The following MAGEB2 variants were observed in gnomAD, a reference collection of about 807,000 sequenced individuals.
MAGEB2 encodes the protein melanoma-associated antigen B2.
For synonymous variants in MAGEB2, 107 were observed against 96.2 expected, an observed-to-expected ratio of 1.11 and a Z score of -0.66; for missense variants, 365 against 243.2, an observed-to-expected ratio of 1.50 and a Z score of -3.33.
Position 30,219,480 on chromosome X carries a change from CT to C in MAGEB2, c.901del (p.Cys301ValfsTer11), listed in dbSNP as rs773023961. On this transcript the variant is annotated frameshift_variant, in exon 2 of 2. Transcript: ENST00000378988. LOFTEE classifies it low-confidence loss of function (END_TRUNC). ...TGGCCAAGGTAAATGGTACCACCCC[CT>C]GTGCCTTCCCAACCCATTACGAAGA... ...FLAKVNGTTPCAFPTHYEEAL... is the reference protein window; with the variant it reads ...FLAKVNGTTPXAFPTHYEEAL... The C allele has an allele frequency of 7.4e-6, 9 of 1,209,175 alleles. No homozygotes were observed. The highest frequency in any genetic ancestry group is 3.5e-5 in the African/African-American group (2 of 57,131).
Position 30,218,966 on chromosome X carries a change from A to G in MAGEB2, c.386A>G (p.Lys129Arg), listed in dbSNP as rs779542719. Residue 129 changes from lysine (K) to arginine (R), a missense_variant, in exon 2 of 2, where the codon AAA becomes AGA. Transcript: ENST00000378988. ...TTCCTGTTGTACAAGTATAAAATAA[A>G]AAAGTCCGTTACAAAGGGAGAAATG... ...VQFLLYKYKIKKSVTKGEMLK... is the reference protein window; with the variant it reads ...VQFLLYKYKIRKSVTKGEMLK... 8.3e-7 allele frequency: 1 copy of G among 1,210,546 alleles called. No individual in the cohort carries two copies. The highest frequency in any genetic ancestry group is 2.2e-5 in the Admixed American group (1 of 45,991).
rs1185854596 is a variant in MAGEB2, at chrX:30,219,122, T to C, written c.542T>C (p.Ile181Thr). 2 of 1,208,839 alleles carry C rather than the reference T, an allele frequency of 1.7e-6. No homozygotes were observed. Among genetic ancestry groups the C allele is most frequent in the African/African-American group, 3.5e-5 (2 of 57,138 alleles). The change falls in exon 2 of 2, where the codon ATC becomes ACC. Residue 181 changes from isoleucine (I) to threonine (T), a missense_variant. Ile to Thr is a moderately conservative substitution (Grantham distance 89, BLOSUM62 -1). Coordinates refer to ENST00000378988, the MANE Select transcript of MAGEB2 (RefSeq NM_002364.5). Reference protein sequence around the residue: ...VNPNGHTYTFIDKVDLTDEES... With the variant: ...VNPNGHTYTFTDKVDLTDEES... ...CCCAACGGCCACACTTACACCTTCA[T>C]CGACAAGGTAGACCTCACTGATGAG... is the stretch of plus-strand genomic sequence containing the variant.
chrX:30,216,545 A>G (rs957765593), intron 1 of MAGEB2, among the ~76,000 whole-genome samples: 3 of 110,364 alleles, frequency 2.7e-5, no homozygotes, highest in African/African-American at 9.9e-5. Context: ...AGTTGTACTC[A>G]CTCTCCCCAA....
Position 30,218,792 on chromosome X carries a change from C to A in MAGEB2, c.212C>A (p.Ala71Asp), listed in dbSNP as rs776599379. 1.7e-6 allele frequency: 2 copies of A among 1,187,947 alleles called. No homozygotes were observed. The highest frequency in any genetic ancestry group is 2.3e-6 in the Non-Finnish European group (2 of 882,924). Residue 71 changes from alanine (A) to aspartate (D), a missense_variant, in exon 2 of 2, where the codon GCT (alanine) becomes GAT (aspartate). Transcript: ENST00000378988. ...CAGAGAGCCCCAACCACTGCCGCTG[C>A]TGCGGCTGCGGGTGTTTCATCCACA... The part of the protein sequence containing the change: ...EPQRAPTTAA[A>D]AAAGVSSTKS...
intron 1 of MAGEB2, 145 bp from the exon 2 acceptor site, chrX:30,218,431 G>A (rs1924457592): frequency 1.2e-6 from 1 of 824,450 alleles, no homozygotes; most frequent in South Asian, 3.1e-5. Flanking sequence ...CTAGAACAGT[G>A]CCTTCAGGGA....
At position 30,219,079 on chromosome X, in the gene MAGEB2, G is replaced by C. The variant is rs147546492; in HGVS notation, c.499G>C (p.Glu167Gln). ...SEGLSVVFGLELNKVNPNGHT... is the reference protein window; with the variant it reads ...SEGLSVVFGLQLNKVNPNGHT... ...GGGCCTCAGTGTTGTCTTTGGCCTT[G>C]AGCTGAATAAAGTCAACCCCAACGG... The change falls in exon 2 of 2, where the codon GAG becomes CAG. Residue 167 changes from glutamate to glutamine, a missense_variant. Transcript: ENST00000378988. 1.6e-4 allele frequency: 198 copies of C among 1,208,915 alleles called. No individual in the cohort carries two copies. Among genetic ancestry groups the C allele is most frequent in the Non-Finnish European group, 3.1e-5 (28 of 894,527 alleles).
intron 1 of MAGEB2, among the ~76,000 whole-genome samples, chrX:30,217,948 T>C (rs1027000645): frequency 3.6e-5 from 4 of 111,299 alleles, no homozygotes; most frequent in African/African-American, 1.3e-4. Context: ...CTAAGAGAGG[T>C]GAGATTCTTA....
chrX:30,216,758 G>A (rs987860077), intron 1 of MAGEB2, among the ~76,000 whole-genome samples: 16 of 109,236 alleles, frequency 1.5e-4, no homozygotes, highest in Non-Finnish European at 1.3e-4. Flanking sequence ...GGTGGCGGGC[G>A]CCTGTAATCC....
intron 1 of MAGEB2, among the ~76,000 whole-genome samples, chrX:30,216,550 C>T (rs1924402839): frequency 9.0e-6 from 1 of 111,372 alleles, no homozygotes; most frequent in Admixed American, 9.5e-5. Flanking sequence ...TACTCACTCT[C>T]CCCAAGACAT....
In MAGEB2 at chrX:30,218,784, T is replaced by A; in HGVS notation, c.204T>A (p.Thr68=). Residue 68 remains threonine, a synonymous_variant, in exon 2 of 2, where the codon ACT becomes ACA. Coordinates refer to ENST00000378988, the MANE Select transcript of MAGEB2 (RefSeq NM_002364.5). ...AGGAGCCTCAGAGAGCCCCAACCAC[T>A]GCCGCTGCTGCGGCTGCGGGTGTTT... ...IPQEPQRAPT[T]AAAAAAGVSS... The A allele has an allele frequency of 8.4e-7, 1 of 1,188,841 alleles. No individual in the cohort carries two copies. Among genetic ancestry groups the A allele is most frequent in the Non-Finnish European group, 1.1e-6 (1 of 883,407 alleles).
At chrX:30,217,783 A>G (rs1924441601) in intron 1 of MAGEB2, among the ~76,000 whole-genome samples, 1 of 112,349 alleles carries the variant, frequency 8.9e-6, no homozygotes, top group African/African-American at 3.2e-5. Flanking sequence ...CTCCTCTACC[A>G]GGAGTCAAAT....
intron 1 of MAGEB2, among the ~76,000 whole-genome samples, chrX:30,216,885 T>TAAAAAAAAAAAA (rs1278361862): frequency 6.7e-5 from 6 of 89,320 alleles, no homozygotes; most frequent in Admixed American, 1.2e-4. Context: ...ACTCCGTCTC[T>TAAAAAAAAAAAA]TAAAAAAAAA....
intron 1 of MAGEB2, among the ~76,000 whole-genome samples, chrX:30,216,817 G>A (rs1400769910): frequency 9.5e-6 from 1 of 105,725 alleles, no homozygotes; most frequent in African/African-American, 3.5e-5. Flanking sequence ...CCTGGGAGGC[G>A]GAGTTTGCAG....
intron 1 of MAGEB2, 24 bp from the exon 2 acceptor site, chrX:30,218,552 G>A (rs780267669): frequency 8.5e-7 from 1 of 1,180,323 alleles, no homozygotes; most frequent in Non-Finnish European, 1.1e-6. Context: ...CTATTCTTCT[G>A]CCCACATTTC....
In MAGEB2 at chrX:30,218,964, A is replaced by T. The variant is rs150250737; in HGVS notation, c.384A>T (p.Ile128=). The change falls in exon 2 of 2, where the codon ATA becomes ATT. Residue 128 remains isoleucine, a synonymous_variant. Coordinates refer to ENST00000378988, the MANE Select transcript of MAGEB2 (RefSeq NM_002364.5). ...LVQFLLYKYK[I]KKSVTKGEML... is the part of the protein sequence containing the mutation. ...AGTTCCTGTTGTACAAGTATAAAAT[A>T]AAAAAGTCCGTTACAAAGGGAGAAA... 7.9e-4 allele frequency: 956 copies of T among 1,209,083 alleles called. 1 individual carries two copies. Among genetic ancestry groups the T allele is most frequent in the Non-Finnish European group, 1.0e-3 (898 of 894,453 alleles).
chrX:30,217,096 G>A (rs1298451368), intron 1 of MAGEB2, among the ~76,000 whole-genome samples: 2 of 111,148 alleles, frequency 1.8e-5, no homozygotes, highest in Non-Finnish European at 3.8e-5. Flanking sequence ...AGGGTAACAG[G>A]GAAATGAGAG....
In MAGEB2 at chrX:30,219,400, C is replaced by T. The variant is rs148432603; in HGVS notation, c.820C>T (p.Leu274=). 240 of 1,210,127 alleles carry T rather than the reference C, an allele frequency of 2.0e-4. No individual in the cohort carries two copies. Among genetic ancestry groups the T allele is most frequent in the Non-Finnish European group, 2.6e-4 (234 of 895,075 alleles). Residue 274 remains leucine, a synonymous_variant, in exon 2 of 2, where the codon CTG becomes TTG. Coordinates refer to ENST00000378988, the MANE Select transcript of MAGEB2 (RefSeq NM_002364.5). The part of the protein sequence containing the change: ...PSSDPPRFQF[L]WGPRAYAETS... ...CAGTGATCCCCCACGCTTTCAATTC[C>T]TGTGGGGTCCGAGAGCCTATGCTGA... is the stretch of plus-strand genomic sequence containing the variant.
chrX:30,217,473 C>G (rs1346609989), intron 1 of MAGEB2, among the ~76,000 whole-genome samples: 1 of 112,143 alleles, frequency 8.9e-6, no homozygotes, highest in Non-Finnish European at 1.9e-5. Context: ...ATCCAGTCAT[C>G]TCCCACCAGG....
chrX:30,216,149 A>G (rs1924391414), intron 1 of MAGEB2, among the ~76,000 whole-genome samples: 3 of 111,768 alleles, frequency 2.7e-5, no homozygotes, highest in Non-Finnish European at 3.8e-5. Flanking sequence ...CCAAAAGAGG[A>G]GTCATGCTGG....
Sources: gnomAD v4.1 joint callset for allele counts (sites outside exome capture counted in the v4.1 genomes callset) on GRCh38, gnomAD v4.1.1 for gene constraint, MANE v1.5 for transcripts, NCBI Gene and HGNC (gene_info 2026-07-23, HGNC 2026-07-21) for gene names.